PEX14: variants seen among roughly 807,000 people sequenced by gnomAD.
PEX14 encodes peroxisomal membrane protein PEX14.
In PEX14, 15 loss-of-function variants were observed where a neutral mutation model predicts 49.5. The observed-to-expected ratio is 0.30, with a 90% CI of 0.20 to 0.47. PEX14 has a LOEUF of 0.47. Among genes scored for constraint, PEX14 ranks in the 20% least tolerant of loss-of-function variants. The pLI is 1.00. For synonymous variants in PEX14, 210 were observed against 212.7 expected, an observed-to-expected ratio of 0.99 and a Z score of 0.11; for missense variants, 398 against 494.8, an observed-to-expected ratio of 0.80 and a Z score of 1.86.
At chr1:10,565,151 C>T (rs1458873813) in intron 3 of PEX14, among the ~76,000 whole-genome samples, 1 of 152,222 alleles carries the variant, frequency 6.6e-6, no homozygotes, top group African/African-American at 2.4e-5. Flanking sequence ...ATCTGCCCGC[C>T]TCGGCCTCCC....
intron 1 of PEX14, among the ~76,000 whole-genome samples, chr1:10,492,867 G>C (rs1641494720): frequency 6.6e-6 from 1 of 152,302 alleles, no homozygotes; most frequent in Non-Finnish European, 1.5e-5. Flanking sequence ...GCATCAGTCC[G>C]ATAGTCACAC....
rs1641942554 is a variant in PEX14, at chr1:10,514,681, A to T, written c.84+19360A>T. On this transcript the variant is annotated intron_variant, in intron 2 of 8. Coordinates refer to ENST00000356607, the MANE Select transcript of PEX14 (RefSeq NM_004565.3). This position sits in a 1 kb window ranked among gnomAD's most constrained non-coding sequence, Gnocchi z 4.4. ...GGGGAAACTGGATTTCAAAAGAAAG[A>T]AGTTTTTCTGCTTGAGTTGGAGGTG... Among the ~76,000 whole-genome samples the T allele has an allele frequency of 2.0e-5, 3 of 152,150 alleles. No homozygotes were observed. Among genetic ancestry groups the T allele is most frequent in the Non-Finnish European group, 4.4e-5 (3 of 68,030 alleles).
intron 8 of PEX14, 94 bp downstream of exon 8, chr1:10,627,457 C>T (rs1331866194): frequency 8.3e-6 from 7 of 846,966 alleles, no homozygotes; most frequent in Admixed American, 1.8e-5. Context: ...CCCACCCCCA[C>T]CCCCAAGGAC....
At chr1:10,477,767 C>A (rs1483817229) in intron 1 of PEX14, among the ~76,000 whole-genome samples, 4 of 152,202 alleles carry the variant, frequency 2.6e-5, no homozygotes, top group Non-Finnish European at 5.9e-5. Flanking sequence ...CACTAACTTA[C>A]CAGCAATGTC....
intron 3 of PEX14, among the ~76,000 whole-genome samples, chr1:10,574,685 C>G (rs1640071217): frequency 6.6e-6 from 1 of 152,032 alleles, no homozygotes; most frequent in South Asian, 2.1e-4. Flanking sequence ...AAGAACAGAT[C>G]CCAAACTCAG....
Position 10,625,037 on chromosome 1 carries a change from G to A in PEX14, c.585+600G>A, listed in dbSNP as rs1010451198. ...GCTTCCAGGATCAGGCTGAATCCTG[G>A]TCCTGCCACTTGTTAGCTGTATGAC... On this transcript the variant is annotated intron_variant, in intron 7 of 8. Transcript: ENST00000356607. Among the ~76,000 whole-genome samples, 12 of 152,166 alleles carry A rather than the reference G, an allele frequency of 7.9e-5. 1 individual carries two copies. In the South Asian group the frequency reaches 1.9e-3, roughly 24 times the overall value.
chr1:10,541,240 C>T (rs150999840), intron 3 of PEX14, among the ~76,000 whole-genome samples: 15 of 152,314 alleles, frequency 9.8e-5, no homozygotes, highest in African/African-American at 3.1e-4. Context: ...CTGAAGTTCC[C>T]ATGTTGTGGA....
rs1035764427 is a variant in PEX14, at chr1:10,494,271, G to A, written c.37-1003G>A. 2.0e-5 allele frequency among the ~76,000 whole-genome samples: 3 copies of A among 152,182 alleles called. No homozygotes were observed. Among genetic ancestry groups the A allele is most frequent in the Non-Finnish European group, 4.4e-5 (3 of 68,024 alleles). On this transcript the variant is annotated intron_variant, in intron 1 of 8. Transcript: ENST00000356607. The surrounding 1 kb of genome is among the most constrained non-coding windows in gnomAD (Gnocchi z 4.3). The stretch of plus-strand genomic sequence containing the variant: ...GACCGGGCCTCTGTCCTTTTCCAAG[G>A]CGGCCTGGCACTTCCATCTGATCTG...
chr1:10,585,452 C>A (rs1640452886), intron 3 of PEX14, among the ~76,000 whole-genome samples: 2 of 152,244 alleles, frequency 1.3e-5, no homozygotes, highest in South Asian at 2.1e-4. Flanking sequence ...GTAAATACTC[C>A]ATTAAAAGCA....
At chr1:10,498,950 T>C (rs1256069920) in intron 2 of PEX14, among the ~76,000 whole-genome samples, 2 of 152,254 alleles carry the variant, frequency 1.3e-5, no homozygotes, top group Non-Finnish European at 2.9e-5. Context: ...TAGCCACAGT[T>C]GTGTGCCTGT....
At chr1:10,479,466 A>G (rs1641248598) in intron 1 of PEX14, among the ~76,000 whole-genome samples, 1 of 152,192 alleles carries the variant, frequency 6.6e-6, no homozygotes, top group African/African-American at 2.4e-5. Flanking sequence ...CTCTCATTGA[A>G]GTCCTTTCTA....
At chr1:10,521,381 T>C (rs977062982) in intron 2 of PEX14, among the ~76,000 whole-genome samples, 1 of 152,238 alleles carries the variant, frequency 6.6e-6, no homozygotes, top group African/African-American at 2.4e-5. Flanking sequence ...ATCTGGCTGC[T>C]CTAAGATGAT....
At chr1:10,558,600 G>A (rs1403597792) in intron 3 of PEX14, among the ~76,000 whole-genome samples, 3 of 151,966 alleles carry the variant, frequency 2.0e-5, no homozygotes, top group Admixed American at 2.0e-4. Context: ...AGCTGGGCAT[G>A]GTGGTACACA....
intron 1 of PEX14, among the ~76,000 whole-genome samples, chr1:10,478,904 C>A (rs1460011019): frequency 1.3e-5 from 2 of 151,990 alleles, no homozygotes; most frequent in African/African-American, 2.4e-5. Flanking sequence ...TGCCACCACG[C>A]CCGGCTATTT....
At chr1:10,502,934 A>G (rs1641707924) in intron 2 of PEX14, among the ~76,000 whole-genome samples, 1 of 151,250 alleles carries the variant, frequency 6.6e-6, no homozygotes, top group African/African-American at 2.4e-5. Flanking sequence ...AGTAGCTGGG[A>G]CTACCGGTGC....
At chr1:10,479,244 G>A (rs1641244687) in intron 1 of PEX14, among the ~76,000 whole-genome samples, 1 of 152,120 alleles carries the variant, frequency 6.6e-6, no homozygotes, top group Admixed American at 6.5e-5. Flanking sequence ...AGGCATGGTA[G>A]TGCTTGCCTG....
At chr1:10,523,825 T>TAAAAAAAAAAAA (rs59324356) in intron 2 of PEX14, among the ~76,000 whole-genome samples, 1 of 132,370 alleles carries the variant, frequency 7.6e-6, no homozygotes, top group Non-Finnish European at 1.6e-5. Flanking sequence ...TCCTTTTAGT[T>TAAAAAAAAAAAA]AAAAAAAAAA....
At chr1:10,499,445 ATTTT>A (rs34771798) in intron 2 of PEX14, among the ~76,000 whole-genome samples, 10 of 101,390 alleles carry the variant, frequency 9.9e-5, no homozygotes, top group Admixed American at 2.2e-4. Flanking sequence ...CCAAAGAACA[ATTTT>A]TTTTTTTTTT....
At chr1:10,625,939 C>T (rs193024936) in intron 7 of PEX14, among the ~76,000 whole-genome samples, 12 of 152,206 alleles carry the variant, frequency 7.9e-5, no homozygotes, top group Non-Finnish European at 1.6e-4. Context: ...CATGGGGCCA[C>T]TGGCTTGGCA....
Sources: allele counts gnomAD v4.1 joint callset (sites outside exome capture counted in the v4.1 genomes callset), GRCh38; gene constraint gnomAD v4.1.1; non-coding constraint Gnocchi (gnomAD v3.1); transcripts MANE v1.5; gene names NCBI Gene and HGNC (gene_info 2026-07-23, HGNC 2026-07-21).